The following TTLL11 variants were observed in gnomAD, a reference collection of about 807,000 sequenced individuals.
TTLL11 encodes the protein tubulin tyrosine ligase like 11.
Under a neutral mutation model 51.7 loss-of-function variants are expected in TTLL11, and 42 were observed. That is an observed-to-expected ratio of 0.81 (90% CI 0.64 to 1.05). TTLL11 has a LOEUF of 1.05. Ranked by LOEUF, TTLL11 falls within the 50% of genes least tolerant of loss-of-function variation. The pLI is 0.00. For missense variants in TTLL11, 799 were observed against 940.4 expected, an observed-to-expected ratio of 0.85 and a Z score of 1.97; for synonymous variants, 381 against 383.5, an observed-to-expected ratio of 0.99 and a Z score of 0.08.
chr9:122,035,410 C>T (rs545086152), intron 2 of TTLL11, among the ~76,000 whole-genome samples: 46 of 152,326 alleles, frequency 3.0e-4, no homozygotes, highest in Admixed American at 1.2e-3. Context: ...CTGTCTGCTA[C>T]GCTGGAGTCT....
chr9:121,822,425 C>G lies in TTLL11; in HGVS notation c.*162G>C, dbSNP rs896732864. On this transcript the variant is annotated 3_prime_UTR_variant, in exon 9 of 9. Transcript: ENST00000321582. This position sits in a 1 kb window ranked among gnomAD's most constrained non-coding sequence, Gnocchi z 5.8. ...AGGAAGGCAGGTGAGAACCAGCCAG[C>G]CTGGTGAAGCACAGCTCAGCCGCAC... 3.4e-6 allele frequency: 2 copies of G among 593,686 alleles called. No individual in the cohort carries two copies. The highest frequency in any genetic ancestry group is 2.7e-6 in the Non-Finnish European group (1 of 372,382). The allele number at this position is 593,686 out of a possible 1,614,324, so 36.8% of individuals were successfully genotyped here. A position where few individuals can be genotyped will look rare whatever the true frequency, so the allele number is the denominator to read the frequency against.
chr9:121,823,027 T>A, intron 8 of TTLL11, 148 bp from the exon 9 acceptor site: 1 of 992,242 alleles, frequency 1.0e-6, no homozygotes. Flanking sequence ...CAGGGCTAAC[T>A]CACTCACAGA....
intron 6 of TTLL11, among the ~76,000 whole-genome samples, chr9:121,964,401 G>A (rs186811664): frequency 8.2e-4 from 125 of 152,136 alleles, no homozygotes; most frequent in African/African-American, 2.9e-3. Context: ...GGGTTCAAGC[G>A]ATTCTCCTGC....
chr9:121,882,294 G>A (rs1166956863), intron 6 of TTLL11, among the ~76,000 whole-genome samples: 1 of 152,154 alleles, frequency 6.6e-6, no homozygotes, highest in Non-Finnish European at 1.5e-5. Context: ...CAGCGCCCTG[G>A]CCTGGCAGAG....
At chr9:122,086,880 C>T (rs1846141813) in intron 1 of TTLL11, among the ~76,000 whole-genome samples, 1 of 152,188 alleles carries the variant, frequency 6.6e-6, no homozygotes, top group Non-Finnish European at 1.5e-5. Flanking sequence ...CTGTTTGAAC[C>T]CTGACTTTCT....
At chr9:121,932,499 G>A (rs746286387) in intron 6 of TTLL11, among the ~76,000 whole-genome samples, 5 of 152,050 alleles carry the variant, frequency 3.3e-5, no homozygotes, top group African/African-American at 4.8e-5. Context: ...TTCATAAATG[G>A]GAAAACTAGA....
intron 6 of TTLL11, among the ~76,000 whole-genome samples, chr9:121,883,453 C>T (rs1479976438): frequency 6.6e-6 from 1 of 152,124 alleles, no homozygotes; most frequent in Non-Finnish European, 1.5e-5. Context: ...AACTCAAGCC[C>T]CACCTCCTCC....
intron 6 of TTLL11, among the ~76,000 whole-genome samples, chr9:121,954,742 A>G (rs914362187): frequency 1.3e-5 from 2 of 152,130 alleles, no homozygotes; most frequent in Non-Finnish European, 2.9e-5. Flanking sequence ...ACAGCTTCCA[A>G]TTAAGCTGCC....
intron 6 of TTLL11, among the ~76,000 whole-genome samples, chr9:121,946,522 T>C (rs775278313): frequency 2.0e-5 from 3 of 152,138 alleles, no homozygotes; most frequent in Non-Finnish European, 2.9e-5. Flanking sequence ...CTTCAAGATT[T>C]AGGAAGACGA....
intron 6 of TTLL11, among the ~76,000 whole-genome samples, chr9:121,942,071 CA>C (rs937215459): frequency 1.3e-5 from 2 of 152,158 alleles, no homozygotes; most frequent in African/African-American, 4.8e-5. Context: ...CAGCTCATGT[CA>C]ACTTAACCCT....
Position 122,006,340 on chromosome 9 carries a change from C to CAAAAAAA in TTLL11, c.694-16577_694-16571dup, listed in dbSNP as rs5900505. 2.2e-3 allele frequency among the ~76,000 whole-genome samples: 306 copies of CAAAAAAA among 138,928 alleles called. 2 individuals are homozygous for CAAAAAAA. The highest frequency in any genetic ancestry group is 7.7e-3 in the African/African-American group (297 of 38,382). 91.1% of individuals were successfully genotyped at this position (138,928 alleles called of 152,430 possible). A position where few individuals can be genotyped will look rare whatever the true frequency, so the allele number is the denominator to read the frequency against. Reference sequence around the variant, plus strand: ...CCTGGGTAACAGAGTGAGACTATCTCAAAAAAAAAAAAAGAATTATGTAAA... The same window carrying CAAAAAAA: ...CCTGGGTAACAGAGTGAGACTATCTCAAAAAAAAAAAAAAAAAAAAGAATTATGTAAA... On this transcript the variant is annotated intron_variant, in intron 3 of 8. Coordinates refer to ENST00000321582, the MANE Select transcript of TTLL11 (RefSeq NM_001139442.2).
intron 6 of TTLL11, among the ~76,000 whole-genome samples, chr9:121,961,568 T>G (rs1314577530): frequency 6.6e-6 from 1 of 152,100 alleles, no homozygotes; most frequent in Admixed American, 6.5e-5. Flanking sequence ...CCAGAGTACA[T>G]CTCTATTCCT....
At chr9:121,926,992 G>A (rs1242351109) in intron 6 of TTLL11, among the ~76,000 whole-genome samples, 1 of 152,116 alleles carries the variant, frequency 6.6e-6, no homozygotes, top group East Asian at 1.9e-4. Context: ...GGAGCTCTCG[G>A]GCCCCTTTTA....
intron 8 of TTLL11, among the ~76,000 whole-genome samples, chr9:121,829,525 A>T (rs1381010971): frequency 6.6e-6 from 1 of 152,162 alleles, no homozygotes; most frequent in Non-Finnish European, 1.5e-5. Context: ...GGAGGTAAGG[A>T]GGAAAAAACA....
rs559433606 is a variant in TTLL11 at position 122,041,415 on chromosome 9, T to C, written c.463-2047A>G. ...TTTATTTTACATCAACATAGTATTATAAATTCTAGCCAGAATAGGCAAGAG... is the reference window on the plus strand; with the variant it reads ...TTTATTTTACATCAACATAGTATTACAAATTCTAGCCAGAATAGGCAAGAG... On this transcript the variant is annotated intron_variant, in intron 1 of 8. Coordinates refer to ENST00000321582, the MANE Select transcript of TTLL11 (RefSeq NM_001139442.2). Among the ~76,000 whole-genome samples, 11 of 152,348 alleles carry C rather than the reference T, an allele frequency of 7.2e-5. No homozygotes were observed. The East Asian group carries it at 2.1e-3, about 29-fold the overall frequency.
At chr9:121,879,259 G>A in intron 6 of TTLL11, among the ~76,000 whole-genome samples, 1 of 152,110 alleles carries the variant, frequency 6.6e-6, no homozygotes, top group East Asian at 1.9e-4. Flanking sequence ...AGAATATGGG[G>A]TTTCTGCCTC....
chr9:122,050,743 C>T (rs138699003), intron 1 of TTLL11, among the ~76,000 whole-genome samples: 6 of 152,248 alleles, frequency 3.9e-5, no homozygotes, highest in Non-Finnish European at 7.4e-5. Flanking sequence ...CCTTAGTCTC[C>T]TCACTCCCCC....
chr9:121,962,310 C>T (rs1490160715), intron 6 of TTLL11, among the ~76,000 whole-genome samples: 2 of 152,176 alleles, frequency 1.3e-5, no homozygotes, highest in Non-Finnish European at 2.9e-5. Flanking sequence ...GAAGCAGCAT[C>T]TGTCTTCTCC....
intron 6 of TTLL11, among the ~76,000 whole-genome samples, chr9:121,889,086 A>C (rs1839123738): frequency 6.6e-6 from 1 of 152,218 alleles, no homozygotes; most frequent in Admixed American, 6.5e-5. Context: ...ATACATCGTG[A>C]GTTTACTCTG....
Sources: allele counts gnomAD v4.1 joint callset (sites outside exome capture counted in the v4.1 genomes callset), GRCh38; gene constraint gnomAD v4.1.1; non-coding constraint Gnocchi (gnomAD v3.1); transcripts MANE v1.5; gene names NCBI Gene and HGNC (gene_info 2026-07-23, HGNC 2026-07-21).